Variants in SERPINA1 observed in about 807,000 individuals in gnomAD.
SERPINA1 encodes serpin family A member 1.
In SERPINA1, 21 loss-of-function variants were observed where a neutral mutation model predicts 25.4. The observed-to-expected ratio is 0.83, with a 90% CI of 0.59 to 1.19. The LOEUF (loss-of-function observed/expected upper bound fraction) is 1.19, where lower values mean the gene tolerates loss of function less well. Among genes scored for constraint, SERPINA1 ranks in the 50% most tolerant of loss-of-function variants. SERPINA1 has a pLI of 0.00. For missense variants in SERPINA1, 546 were observed against 509.0 expected, an observed-to-expected ratio of 1.07 and a Z score of -0.70; for synonymous variants, 218 against 211.1, an observed-to-expected ratio of 1.03 and a Z score of -0.29.
In SERPINA1 at chr14:94,376,946, C is replaced by G. The variant is rs999427358; in HGVS notation, c.*1503G>C. ...GATCCAGGTCTTCAGACTCTCAGGT[C>G]TGGTGTCATCCTAGGGGGCTTGGTG... On this transcript the variant is annotated 3_prime_UTR_variant, in exon 5 of 5. Transcript: ENST00000393087. 6.6e-6 allele frequency: 1 copy of G among 152,140 alleles called. No homozygotes were observed. The highest frequency in any genetic ancestry group is 1.5e-5 in the Non-Finnish European group (1 of 68,024). The allele number at this position is 152,140 out of a possible 1,614,324, so 9.4% of individuals were successfully genotyped here.
At chr14:94,388,997 G>T (rs1363116705), upstream of SERPINA1, 3 of 152,272 alleles carry the variant, frequency 2.0e-5, no homozygotes, top group Non-Finnish European at 4.4e-5. Context: ...TGATGCTGAA[G>T]ACTTACTGCC....
intron 2 of SERPINA1, among the ~76,000 whole-genome samples, chr14:94,381,377 C>T (rs893935839): frequency 3.3e-5 from 5 of 152,140 alleles, no homozygotes; most frequent in South Asian, 4.1e-4. Context: ...ATTTCTACAT[C>T]GTGGCGATGT....
intron 1 of SERPINA1, among the ~76,000 whole-genome samples, chr14:94,385,528 C>T (rs1001626880): frequency 6.6e-6 from 1 of 152,232 alleles, no homozygotes; most frequent in Admixed American, 6.5e-5. Context: ...GAGGTTTCAC[C>T]GTGTTGGCCA....
rs1335761581 is a variant in SERPINA1 at position 94,383,157 on chromosome 14, G to C, written c.81C>G (p.Pro27=). The stretch of plus-strand genomic sequence containing the variant: ...CTGTCTTCTGGGCAGCATCTCCCTG[G>C]GGATCCTCAGCCAGGGAGACAGGGA... ...CLVPVSLAED[P]QGDAAQKTDT... is the part of the protein sequence containing the mutation. Residue 27 remains proline, a synonymous_variant, in exon 2 of 5, where the codon CCC becomes CCG. Transcript: ENST00000393087. The C allele has an allele frequency of 1.2e-6, 2 of 1,614,068 alleles. No homozygotes were observed. Among genetic ancestry groups the C allele is most frequent in the Non-Finnish European group, 1.7e-6 (2 of 1,180,044 alleles).
chr14:94,388,486 G>A (rs1303028777), intron 1 of SERPINA1, 74 bp downstream of exon 1: 1 of 152,822 alleles, frequency 6.5e-6, no homozygotes, highest in Non-Finnish European at 1.5e-5. Context: ...TCCTGCCCCA[G>A]ACCTGCTGCC....
intron 3 of SERPINA1, chr14:94,380,545 CTG>C: frequency 2.5e-6 from 1 of 400,560 alleles, no homozygotes. Context: ...CTTTTTGGTT[CTG>C]CCAGAACGTG....
At position 94,377,648 on chromosome 14, in the gene SERPINA1, C is replaced by G. The variant is rs1226885158; in HGVS notation, c.*801G>C. On this transcript the variant is annotated 3_prime_UTR_variant, in exon 5 of 5. Coordinates refer to ENST00000393087, the MANE Select transcript of SERPINA1 (RefSeq NM_000295.5). The stretch of plus-strand genomic sequence containing the variant: ...TCTTCTGGGGCCTGCTGGGCCTGGT[C>G]AAGTCTGAGGAGGAGATAGAGAAAA... 6.6e-6 allele frequency: 1 copy of G among 152,276 alleles called. No individual in the cohort carries two copies. Among genetic ancestry groups the G allele is most frequent in the East Asian group, 1.9e-4 (1 of 5,194 alleles). The allele number at this position is 152,276 out of a possible 1,614,324, so 9.4% of individuals were successfully genotyped here.
Position 94,378,260 on chromosome 14 carries a change from G to A in SERPINA1, c.*189C>T, listed in dbSNP as rs926440772. On this transcript the variant is annotated 3_prime_UTR_variant, in exon 5 of 5. Transcript: ENST00000393087. ...CCCAGCCAGATGCTCCATGAACACA[G>A]TTCAGGGGGCCCGAAGACAGCACTG... 7 of 625,770 alleles carry A rather than the reference G, an allele frequency of 1.1e-5. No individual in the cohort carries two copies. In the South Asian group the frequency reaches 1.3e-4, roughly 12 times the overall value. 38.8% of individuals were successfully genotyped at this position (625,770 alleles called of 1,614,324 possible).
At chr14:94,385,862 T>G (rs963898859) in intron 1 of SERPINA1, among the ~76,000 whole-genome samples, 2 of 152,124 alleles carry the variant, frequency 1.3e-5, no homozygotes, top group African/African-American at 4.8e-5. Flanking sequence ...CCTTTCACAG[T>G]GAAGAGTTTG....
intron 1 of SERPINA1, among the ~76,000 whole-genome samples, chr14:94,387,135 AG>A (rs1483544528): frequency 6.6e-6 from 1 of 152,254 alleles, no homozygotes; most frequent in Non-Finnish European, 1.5e-5. Flanking sequence ...CTTCAGAGGC[AG>A]CCTGGCTAAA....
Position 94,382,647 on chromosome 14 carries a change from G to A in SERPINA1, c.591C>T (p.Val197=). Residue 197 remains valine (V), a synonymous_variant, in exon 2 of 5, where the codon GTC becomes GTT. Coordinates refer to ENST00000393087, the MANE Select transcript of SERPINA1 (RefSeq NM_000295.5). ...AAACTGTGTCTCTGTCAAGCTCCTT[G>A]ACCAAATCCACAATTTTCCCTTGAG... ...KGTQGKIVDL[V]KELDRDTVFA... The A allele has an allele frequency of 6.2e-7, 1 of 1,614,226 alleles. No individual in the cohort carries two copies.
chr14:94,382,209 A>C (rs1896975714), intron 2 of SERPINA1, among the ~76,000 whole-genome samples: 1 of 152,252 alleles, frequency 6.6e-6, no homozygotes. Context: ...GGTCTTTCAG[A>C]TTGCAAAACT....
intron 1 of SERPINA1, among the ~76,000 whole-genome samples, chr14:94,386,558 T>C (rs1897300413): frequency 6.6e-6 from 1 of 152,210 alleles, no homozygotes; most frequent in Non-Finnish European, 1.5e-5. Context: ...AAAAGAATCC[T>C]TTGGACAGGG....
Position 94,378,176 on chromosome 14 carries a change from G to T in SERPINA1, c.*273C>A. ...ACTGGAGCCCTCCAGAAACAGATGGGCCCAGGTCCGTAAGCTGAGGATTCA... is the reference window on the plus strand; with the variant it reads ...ACTGGAGCCCTCCAGAAACAGATGGTCCCAGGTCCGTAAGCTGAGGATTCA... On this transcript the variant is annotated 3_prime_UTR_variant, in exon 5 of 5. Transcript: ENST00000393087. 1.9e-6 allele frequency: 1 copy of T among 539,576 alleles called. No individual in the cohort carries two copies. Among genetic ancestry groups the T allele is most frequent in the Non-Finnish European group, 3.3e-6 (1 of 300,734 alleles). The allele number at this position is 539,576 out of a possible 1,614,324, so 33.4% of individuals were successfully genotyped here.
At position 94,379,358 on chromosome 14, in the gene SERPINA1, A is replaced by G; in HGVS notation, c.1065+106T>C. 6 of 1,522,776 alleles carry G rather than the reference A, an allele frequency of 3.9e-6. No individual in the cohort carries two copies. In the East Asian group the frequency reaches 1.1e-4, roughly 29 times the overall value. 94.3% of individuals were successfully genotyped at this position (1,522,776 alleles called of 1,614,324 possible). On this transcript the variant is annotated intron_variant, in intron 4 of 4. Coordinates refer to ENST00000393087, the MANE Select transcript of SERPINA1 (RefSeq NM_000295.5). The stretch of plus-strand genomic sequence containing the variant: ...CTTCAGGAGCTCAGCCTGGGTCTTC[A>G]TTTGTTTCCCTCGGCCCCTTCCTCA...
rs752721615 is a variant in SERPINA1 at position 94,380,968 on chromosome 14, C to A, written c.820G>T (p.Ala274Ser). The A allele has an allele frequency of 5.6e-6, 9 of 1,614,012 alleles. No individual in the cohort carries two copies. In the East Asian group the frequency reaches 1.1e-4, roughly 20 times the overall value. Reference sequence around the variant, plus strand: ...CCCTCATCAGGCAGGAAGAAGATGGCGGTGGCATTGCCCAGGTATTTCATC... The same window carrying A: ...CCCTCATCAGGCAGGAAGAAGATGGAGGTGGCATTGCCCAGGTATTTCATC... The part of the protein sequence containing the change: ...LLMKYLGNAT[A>S]IFFLPDEGKL... The change falls in exon 3 of 5, where the codon GCC (alanine) becomes TCC (serine). Residue 274 changes from alanine to serine, a missense_variant. Transcript: ENST00000393087.
chr14:94,381,112 C>A lies in SERPINA1; in HGVS notation c.676G>T (p.Asp226Tyr), dbSNP rs1421296365. ...GKWERPFEVKDTEEEDFHVDQ... is the reference protein window; with the variant it reads ...GKWERPFEVKYTEEEDFHVDQ... Reference sequence around the variant, plus strand: ...ACGTGGAAGTCCTCTTCCTCGGTGTCCTTGACTTCAAAGGGTCTCTCCCAT... The same window carrying A: ...ACGTGGAAGTCCTCTTCCTCGGTGTACTTGACTTCAAAGGGTCTCTCCCAT... The change falls in exon 3 of 5, where the codon GAC becomes TAC. Residue 226 changes from aspartate to tyrosine, a missense_variant. Physicochemically the swap from Asp to Tyr is radical, Grantham distance 160. Coordinates refer to ENST00000393087, the MANE Select transcript of SERPINA1 (RefSeq NM_000295.5). 6.2e-7 allele frequency: 1 copy of A among 1,613,352 alleles called. No individual in the cohort carries two copies. Among genetic ancestry groups the A allele is most frequent in the Non-Finnish European group, 8.5e-7 (1 of 1,179,980 alleles).
At chr14:94,383,988 T>C (rs1897136780) in intron 1 of SERPINA1, 1 of 152,270 alleles carries the variant, frequency 6.6e-6, no homozygotes, top group Admixed American at 6.5e-5. Flanking sequence ...CAATGCTCTG[T>C]GGTCCCAGAC....
At position 94,383,252 on chromosome 14, in the gene SERPINA1, G is replaced by C; in HGVS notation, c.-4-11C>G. On this transcript the variant is annotated splice_polypyrimidine_tract_variant and intron_variant, in intron 1 of 4. Transcript: ENST00000393087. ...GAAGACGGCATTGTCCTGCAAGACAGAGATGGGGGGGCCAGGCCCCGAGTC... is the reference window on the plus strand; with the variant it reads ...GAAGACGGCATTGTCCTGCAAGACACAGATGGGGGGGCCAGGCCCCGAGTC... 1 of 1,607,094 alleles carries C rather than the reference G, an allele frequency of 6.2e-7. No individual in the cohort carries two copies. Among genetic ancestry groups the C allele is most frequent in the Non-Finnish European group, 8.5e-7 (1 of 1,178,228 alleles).
Sources: allele counts gnomAD v4.1 joint callset (sites outside exome capture counted in the v4.1 genomes callset), GRCh38; gene constraint gnomAD v4.1.1; transcripts MANE v1.5; gene names NCBI Gene and HGNC (gene_info 2026-07-23, HGNC 2026-07-21).